The following SFSWAP variants were observed in gnomAD, a reference collection of about 807,000 sequenced individuals.
SFSWAP encodes the protein splicing factor, suppressor of white-apricot homolog.
Under a neutral mutation model 100.7 loss-of-function variants are expected in SFSWAP, and 17 were observed. The observed-to-expected ratio is 0.17, with a 90% CI of 0.12 to 0.25. The LOEUF is 0.25. Ranked by LOEUF, SFSWAP falls within the 10% of genes least tolerant of loss-of-function variation. The pLI, the probability that SFSWAP is intolerant of heterozygous loss-of-function variation, is 1.00. For synonymous variants in SFSWAP, 504 were observed against 510.1 expected, an observed-to-expected ratio of 0.99 and a Z score of 0.16; for missense variants, 1,005 against 1,262.6, an observed-to-expected ratio of 0.80 and a Z score of 3.09.
intron 15 of SFSWAP, among the ~76,000 whole-genome samples, chr12:131,789,339 T>C (rs1885097295): frequency 6.6e-6 from 1 of 152,186 alleles, no homozygotes. Context: ...TTGGAAACTT[T>C]TTTAACTTAT....
intron 7 of SFSWAP, among the ~76,000 whole-genome samples, chr12:131,750,097 T>C (rs1482208257): frequency 6.6e-6 from 1 of 152,238 alleles, no homozygotes; most frequent in African/African-American, 2.4e-5. Context: ...CTGCTCCAGA[T>C]GACTTGTGCC....
At chr12:131,780,960 G>A (rs982232899) in intron 14 of SFSWAP, among the ~76,000 whole-genome samples, 2 of 152,060 alleles carry the variant, frequency 1.3e-5, no homozygotes, top group African/African-American at 4.8e-5. Context: ...TGATATTTCC[G>A]GGTATCCTAC....
At chr12:131,732,415 A>C (rs747475084) in intron 7 of SFSWAP, among the ~76,000 whole-genome samples, 21 of 152,262 alleles carry the variant, frequency 1.4e-4, no homozygotes, top group Middle Eastern at 3.4e-3. Context: ...ACCTAAACTC[A>C]TGGGCTCTGT....
In SFSWAP at chr12:131,728,372, C is replaced by A. The variant is rs200297330; in HGVS notation, c.1025C>A (p.Pro342Gln). The stretch of plus-strand genomic sequence containing the variant: ...CAGGCTGACAGTTCCACTCCCACCC[C>A]ACACAACGCAGACGGTGCGCCTGTG... ...KAQADSSTPT[P>Q]HNADGAPVQP... The change falls in exon 7 of 18, where the codon CCA becomes CAA. Residue 342 changes from proline to glutamine, a missense_variant. Physicochemically the swap from Pro to Gln is moderately conservative, Grantham distance 76. This residue lies in a region of SFSWAP where 311 missense variants were observed against 317.8 expected (regional missense o/e 0.98). Coordinates refer to ENST00000261674, the MANE Select transcript of SFSWAP (RefSeq NM_004592.4). 2 of 1,614,134 alleles carry A rather than the reference C, an allele frequency of 1.2e-6. No homozygotes were observed. Among genetic ancestry groups the A allele is most frequent in the Non-Finnish European group, 1.7e-6 (2 of 1,180,056 alleles).
chr12:131,766,312 T>C lies in SFSWAP; in HGVS notation c.2142+4T>C. ...GGAGAGTCCTTTCAGTGTCGAGGTA[T>C]AGTAAAATCCCACATTGGTATCTGC... On this transcript the variant is annotated splice_donor_region_variant and intron_variant, in intron 13 of 17. Coordinates refer to ENST00000261674, the MANE Select transcript of SFSWAP (RefSeq NM_004592.4). 1 of 1,613,188 alleles carries C rather than the reference T, an allele frequency of 6.2e-7. No homozygotes were observed. Among genetic ancestry groups the C allele is most frequent in the Non-Finnish European group, 8.5e-7 (1 of 1,179,452 alleles).
intron 7 of SFSWAP, among the ~76,000 whole-genome samples, chr12:131,737,238 G>A (rs1282227004): frequency 6.6e-6 from 1 of 152,164 alleles, no homozygotes; most frequent in African/African-American, 2.4e-5. Flanking sequence ...GGCAGCACGA[G>A]GCAGTCTGTT....
chr12:131,735,090 G>A (rs1161216140), intron 7 of SFSWAP, among the ~76,000 whole-genome samples: 1 of 152,226 alleles, frequency 6.6e-6, no homozygotes, highest in African/African-American at 2.4e-5. Context: ...GAGAGCTGGC[G>A]AGAGGCTTTC....
intron 14 of SFSWAP, chr12:131,783,816 A>ATATATATATATATG (rs1884691265): frequency 7.3e-6 from 1 of 136,206 alleles, no homozygotes; most frequent in Admixed American, 7.7e-5. Context: ...ATATATATAT[A>ATATATATATATATG]TATATAATTC....
At position 131,711,381 on chromosome 12, in the gene SFSWAP, C is replaced by T; in HGVS notation, c.152C>T (p.Ala51Val). The T allele has an allele frequency of 1.9e-6, 3 of 1,613,932 alleles. No individual in the cohort carries two copies. The highest frequency in any genetic ancestry group is 2.5e-6 in the Non-Finnish European group (3 of 1,180,032). Residue 51 changes from alanine (A) to valine (V), a missense_variant, in exon 1 of 18, where the codon GCC (alanine) becomes GTC (valine). By Grantham distance (64) the Ala-to-Val change is moderately conservative. Coordinates refer to ENST00000261674, the MANE Select transcript of SFSWAP (RefSeq NM_004592.4). The surrounding 1 kb of genome is among the most constrained non-coding windows in gnomAD (Gnocchi z 4.9). ...AAGCTGTTCCGGGACGACGAGCGGG[C>T]CCTGGCTCAGGAACAGGGACAGCAC... Reference protein sequence around the residue: ...ACKLFRDDERALAQEQGQHLI... With the variant: ...ACKLFRDDERVLAQEQGQHLI...
chr12:131,764,764 T>C, intron 12 of SFSWAP, 78 bp downstream of exon 12: 1 of 1,019,958 alleles, frequency 9.8e-7, no homozygotes. Flanking sequence ...CCAAAAAATC[T>C]CGAGGCTGCC....
intron 4 of SFSWAP, among the ~76,000 whole-genome samples, chr12:131,720,951 C>CA (rs1878417687): frequency 6.6e-6 from 1 of 152,170 alleles, no homozygotes; most frequent in Non-Finnish European, 1.5e-5. Flanking sequence ...TTAATTGGCT[C>CA]ACGATTCTGC....
Position 131,730,832 on chromosome 12 carries a change from A to G in SFSWAP, c.1081+2404A>G, listed in dbSNP as rs1201991463. 6.6e-6 allele frequency among the ~76,000 whole-genome samples: 1 copy of G among 152,144 alleles called. No homozygotes were observed. Among genetic ancestry groups the G allele is most frequent in the African/African-American group, 2.4e-5 (1 of 41,432 alleles). On this transcript the variant is annotated intron_variant, in intron 7 of 17. Transcript: ENST00000261674. This position sits in a 1 kb window ranked among gnomAD's most constrained non-coding sequence, Gnocchi z 4.0. ...GTAGGGGGTGCCCTCTCCTCCCCTC[A>G]ATACGGTGCCGTTGTTTTGAAACTC...
chr12:131,781,782 C>T (rs186428211), intron 14 of SFSWAP, among the ~76,000 whole-genome samples: 1 of 152,298 alleles, frequency 6.6e-6, no homozygotes, highest in Non-Finnish European at 1.5e-5. Flanking sequence ...GTAGTATCTA[C>T]ATACTTCTAG....
chr12:131,779,508 C>T (rs11246803), intron 14 of SFSWAP, among the ~76,000 whole-genome samples: 60,748 of 152,048 alleles, frequency 0.4, 13,153 homozygotes, highest in Non-Finnish European at 0.49. Flanking sequence ...AGTGGCTGAC[C>T]TACAGGAGGT....
At position 131,764,573 on chromosome 12, in the gene SFSWAP, G is replaced by A; in HGVS notation, c.1838G>A (p.Gly613Asp). 6.2e-7 allele frequency: 1 copy of A among 1,614,186 alleles called. No individual in the cohort carries two copies. The highest frequency in any genetic ancestry group is 8.5e-7 in the Non-Finnish European group (1 of 1,180,038). The change falls in exon 12 of 18, where the codon GGC (glycine) becomes GAC (aspartate). Residue 613 changes from glycine to aspartate, a missense_variant. This residue lies in a region of SFSWAP where 82 missense variants were observed against 131.0 expected (regional missense o/e 0.63). Transcript: ENST00000261674. ...GATGATGATGAAGAAAGCAAAGAAG[G>A]CCAAGAAAGTTCTAGTAGTGCTGCA... ...DSDDDEESKEGQESSSSAANT... is the reference protein window; with the variant it reads ...DSDDDEESKEDQESSSSAANT...
intron 14 of SFSWAP, chr12:131,785,210 A>T: frequency 1.3e-6 from 2 of 1,535,462 alleles, no homozygotes; most frequent in Non-Finnish European, 1.7e-6. Flanking sequence ...TTTGAGGGAA[A>T]ACCTGGTAAA....
intron 12 of SFSWAP, among the ~76,000 whole-genome samples, chr12:131,765,093 C>G (rs1320751286): frequency 2.0e-5 from 3 of 152,206 alleles, no homozygotes; most frequent in Admixed American, 6.5e-5. Flanking sequence ...CCATTGGGCC[C>G]TTGAAGGTGG....
chr12:131,740,943 ATTTCTTTTTTTTTCTTTTT>A (rs1880547211), intron 7 of SFSWAP, among the ~76,000 whole-genome samples: 1 of 75,098 alleles, frequency 1.3e-5, no homozygotes. Flanking sequence ...GAGGCTTTTC[ATTTCTTTTTTTTTCTTTTT>A]TTTCTTTTTT....
chr12:131,755,329 G>T, intron 9 of SFSWAP, 57 bp from the exon 10 acceptor site: 2 of 1,225,846 alleles, frequency 1.6e-6, no homozygotes, highest in Middle Eastern at 1.9e-4. Flanking sequence ...AGGGCCTGTT[G>T]TTACTTCAGT....
Sources: allele counts gnomAD v4.1 joint callset (sites outside exome capture counted in the v4.1 genomes callset), GRCh38; gene constraint gnomAD v4.1.1; regional missense constraint gnomAD v4.1.1; non-coding constraint Gnocchi (gnomAD v3.1); transcripts MANE v1.5; gene names NCBI Gene and HGNC (gene_info 2026-07-23, HGNC 2026-07-21).